TCF7: variants seen among roughly 807,000 people sequenced by gnomAD.
The protein encoded by TCF7 is T-cell-factor-7.
A neutral mutation model predicts 46.8 loss-of-function variants in TCF7; 19 were observed. The ratio of observed to expected loss-of-function variants is 0.41; its 90% CI spans 0.28 to 0.60. The LOEUF (loss-of-function observed/expected upper bound fraction) is 0.60, where lower values mean the gene tolerates loss of function less well. Ranked by LOEUF, TCF7 falls within the 20% of genes least tolerant of loss-of-function variation. The pLI, the probability that TCF7 is intolerant of heterozygous loss-of-function variation, is 0.35. For missense variants in TCF7, 547 were observed against 504.6 expected, an observed-to-expected ratio of 1.08 and a Z score of -0.81; for synonymous variants, 245 against 213.4, an observed-to-expected ratio of 1.15 and a Z score of -1.29.
intron 3 of TCF7, among the ~76,000 whole-genome samples, chr5:134,120,816 G>A (rs898375426): frequency 2.6e-5 from 4 of 152,224 alleles, no homozygotes; most frequent in African/African-American, 9.6e-5. Context: ...AAGAAAGGCC[G>A]GCTGTTCGTT....
chr5:134,127,086 A>T (rs1287027760), intron 3 of TCF7, among the ~76,000 whole-genome samples: 1 of 152,142 alleles, frequency 6.6e-6, no homozygotes, highest in Non-Finnish European at 1.5e-5. Context: ...TTTGCTGTAC[A>T]ATGTGTGGAG....
In TCF7 at chr5:134,116,051, C is replaced by G. The variant is rs1180563954; in HGVS notation, c.441+18C>G. Reference sequence around the variant, plus strand: ...CCCCGCTGGTAAGTGGACCCCGCAGCCAGTGCCGCCCTGTGCTTGCAGCCT... The same window carrying G: ...CCCCGCTGGTAAGTGGACCCCGCAGGCAGTGCCGCCCTGTGCTTGCAGCCT... On this transcript the variant is annotated intron_variant, in intron 3 of 9. Transcript: ENST00000342854. 6.2e-7 allele frequency: 1 copy of G among 1,603,692 alleles called. No homozygotes were observed. The highest frequency in any genetic ancestry group is 1.3e-5 in the African/African-American group (1 of 74,778).
rs570365840 is a variant in TCF7 at position 134,116,023 on chromosome 5, A to T, written c.431A>T (p.Gln144Leu). 1.9e-6 allele frequency: 3 copies of T among 1,612,320 alleles called. No individual in the cohort carries two copies. The African/African-American group carries it at 4.0e-5, about 21-fold the overall frequency. ...GGAGCAGGGCAGCACCCCCAGCCGC[A>T]GCCCCCGCTGGTAAGTGGACCCCGC... ...PSGAGQHPQP[Q>L]PPLHKANQPP... is the part of the protein sequence containing the mutation. Residue 144 changes from glutamine (Q) to leucine (L), a missense_variant, in exon 3 of 10, where the codon CAG becomes CTG. Gln to Leu is a moderately radical substitution (Grantham distance 113, BLOSUM62 -2). This residue lies in a region of TCF7 where 425 missense variants were observed against 349.9 expected (regional missense o/e 1.21). Coordinates refer to ENST00000342854, the MANE Select transcript of TCF7 (RefSeq NM_003202.5).
In TCF7 at chr5:134,114,844, G is replaced by C. The variant is rs1755572629; in HGVS notation, c.-63G>C. On this transcript the variant is annotated 5_prime_UTR_variant, in exon 1 of 10. Coordinates refer to ENST00000342854, the MANE Select transcript of TCF7 (RefSeq NM_003202.5). ...GGACTCCGGGCTCGCCGCCCCCCGGGCCGGCTCCGCGCCCCGCACTCCCGG... is the reference window on the plus strand; with the variant it reads ...GGACTCCGGGCTCGCCGCCCCCCGGCCCGGCTCCGCGCCCCGCACTCCCGG... 1.0e-6 allele frequency: 1 copy of C among 981,672 alleles called. No individual in the cohort carries two copies. The allele number at this position is 981,672 out of a possible 1,614,324, so 60.8% of individuals were successfully genotyped here. A position where few individuals can be genotyped will look rare whatever the true frequency, so the allele number is the denominator to read the frequency against.
In TCF7 at chr5:134,138,960, C is replaced by G; in HGVS notation, c.557C>G (p.Pro186Arg). ...CTTCTCTCCTCTGCAGTTCACAGGC[C>G]TCTGCAGACCCCTGACCTCTCTGGC... Reference protein sequence around the residue: ...ADISQKQVHRPLQTPDLSGFY... With the variant: ...ADISQKQVHRRLQTPDLSGFY... Residue 186 changes from proline (P) to arginine (R), a missense_variant, in exon 5 of 10, where the codon CCT becomes CGT. Physicochemically the swap from Pro to Arg is moderately radical, Grantham distance 103. This residue lies in a region of TCF7 where 425 missense variants were observed against 349.9 expected (regional missense o/e 1.21). Transcript: ENST00000342854. 1 of 1,613,954 alleles carries G rather than the reference C, an allele frequency of 6.2e-7. No homozygotes were observed. Among genetic ancestry groups the G allele is most frequent in the Middle Eastern group, 1.6e-4 (1 of 6,062 alleles).
chr5:134,143,707 C>T (rs1180363401), intron 9 of TCF7, 67 bp downstream of exon 9: 1 of 1,595,330 alleles, frequency 6.3e-7, no homozygotes, highest in Non-Finnish European at 8.6e-7. Context: ...CAGCCCTCCT[C>T]TGACCCAAAG....
intron 3 of TCF7, among the ~76,000 whole-genome samples, chr5:134,132,505 C>T (rs560273889): frequency 6.6e-6 from 1 of 152,310 alleles, no homozygotes; most frequent in South Asian, 2.1e-4. Context: ...CTCACCTATC[C>T]CCTACCCCCC....
intron 3 of TCF7, among the ~76,000 whole-genome samples, chr5:134,131,416 C>G (rs912835024): frequency 1.3e-5 from 2 of 152,220 alleles, no homozygotes; most frequent in Non-Finnish European, 2.9e-5. Context: ...AGCAATAGCC[C>G]ACCTTTCTGT....
chr5:134,145,440 G>A, intron 9 of TCF7: 1 of 562,922 alleles, frequency 1.8e-6, no homozygotes, highest in South Asian at 1.5e-5. Flanking sequence ...TGAGGGAAAG[G>A]GCTCATGTGT....
Position 134,115,052 on chromosome 5 carries a change from C to T in TCF7, c.146C>T (p.Ala49Val). The T allele has an allele frequency of 1.6e-6, 2 of 1,223,006 alleles. No individual in the cohort carries two copies. Among genetic ancestry groups the T allele is most frequent in the African/African-American group, 1.6e-5 (1 of 62,080 alleles). 75.8% of individuals were successfully genotyped at this position (1,223,006 alleles called of 1,614,324 possible). The change falls in exon 1 of 10, where the codon GCC becomes GTC. Residue 49 changes from alanine (A) to valine (V), a missense_variant. Coordinates refer to ENST00000342854, the MANE Select transcript of TCF7 (RefSeq NM_003202.5). ...DSAAGPERDL[A>V]ELKSSLVNES... ...GCCGCCGGTCCCGAGCGCGACCTGG[C>T]CGAGCTCAAGTCGTCGCTCGTGAAC... is the stretch of plus-strand genomic sequence containing the variant.
In TCF7 at chr5:134,121,858, C is replaced by T. The variant is rs1487158063; in HGVS notation, c.441+5825C>T. 2.6e-5 allele frequency among the ~76,000 whole-genome samples: 4 copies of T among 152,254 alleles called. No homozygotes were observed. The East Asian group carries it at 5.8e-4, about 22-fold the overall frequency. On this transcript the variant is annotated intron_variant, in intron 3 of 9. Coordinates refer to ENST00000342854, the MANE Select transcript of TCF7 (RefSeq NM_003202.5). ...TATGGGGTCAAGAGGCAGGAAGAGT[C>T]GAGGCGTTTTGCTTCCCTGGTGCCC...
intron 3 of TCF7, among the ~76,000 whole-genome samples, chr5:134,118,240 G>A (rs1756096665): frequency 6.6e-6 from 1 of 152,178 alleles, no homozygotes. Context: ...GGGCCCTGAG[G>A]AAAAACTGCC....
At chr5:134,126,624 C>T (rs1271186834) in intron 3 of TCF7, among the ~76,000 whole-genome samples, 1 of 152,242 alleles carries the variant, frequency 6.6e-6, no homozygotes, top group African/African-American at 2.4e-5. Flanking sequence ...GTCGGTAGGG[C>T]ACAGTGCCTC....
rs141612090 is a variant in TCF7 at position 134,146,264 on chromosome 5, C to G, written c.1116C>G (p.Ala372=). ...RNAFGTYPEK[A]AAPAPFLPMT... is the part of the protein sequence containing the mutation. ...CATTCGGTACTTACCCGGAGAAGGC[C>G]GCTGCCCCAGCCCCGTTCCTTCCGA... is the stretch of plus-strand genomic sequence containing the variant. Residue 372 remains alanine (A), a synonymous_variant, in exon 10 of 10, where the codon GCC becomes GCG. Transcript: ENST00000342854. The G allele has an allele frequency of 6.2e-7, 1 of 1,614,178 alleles. No individual in the cohort carries two copies.
intron 3 of TCF7, among the ~76,000 whole-genome samples, chr5:134,133,673 C>G (rs1758463944): frequency 6.6e-6 from 1 of 152,252 alleles, no homozygotes; most frequent in East Asian, 1.9e-4. Context: ...GAGGGACTGG[C>G]CAGGCCCTTG....
intron 3 of TCF7, among the ~76,000 whole-genome samples, chr5:134,133,587 G>A (rs1004118532): frequency 2.0e-5 from 3 of 152,106 alleles, no homozygotes; most frequent in South Asian, 2.1e-4. Flanking sequence ...TGTGCTAGAC[G>A]GTTTCCCCTG....
intron 3 of TCF7, among the ~76,000 whole-genome samples, chr5:134,131,812 G>A (rs1758164936): frequency 6.6e-6 from 1 of 152,266 alleles, no homozygotes; most frequent in African/African-American, 2.4e-5. Flanking sequence ...GAGTGGGCCA[G>A]ACTGGCCCAG....
At chr5:134,145,060 C>CT in intron 9 of TCF7, 1 of 643,356 alleles carries the variant, frequency 1.6e-6, no homozygotes, top group Admixed American at 2.3e-5. Flanking sequence ...CCACTTGGGT[C>CT]TAAGTGCAGG....
In TCF7 at chr5:134,147,397, C is replaced by G. The variant is rs1760832183; in HGVS notation, c.*1094C>G. 1 of 152,502 alleles carries G rather than the reference C, an allele frequency of 6.6e-6. No individual in the cohort carries two copies. Among genetic ancestry groups the G allele is most frequent in the Admixed American group, 6.5e-5 (1 of 15,290 alleles). The allele number at this position is 152,502 out of a possible 1,614,324, so 9.4% of individuals were successfully genotyped here. A position where few individuals can be genotyped will look rare whatever the true frequency, so the allele number is the denominator to read the frequency against. On this transcript the variant is annotated 3_prime_UTR_variant, in exon 10 of 10. Transcript: ENST00000342854. ...AATTCCATTTCCAGTTCATCTATGG[C>G]AGTCCAGCCAGCTCCTGGGCAGCTT...
Sources: gnomAD v4.1 joint callset for allele counts (sites outside exome capture counted in the v4.1 genomes callset) on GRCh38, gnomAD v4.1.1 for gene constraint, gnomAD v4.1.1 regional missense constraint, MANE v1.5 for transcripts, NCBI Gene and HGNC (gene_info 2026-07-23, HGNC 2026-07-21) for gene names.